Variants in TRDMT1 observed in about 807,000 individuals in gnomAD.
The protein encoded by TRDMT1 is tRNA aspartic acid methyltransferase 1, also known as tRNA (cytosine(38)-C(5))-methyltransferase.
A neutral mutation model predicts 51.2 loss-of-function variants in TRDMT1; 49 were observed. The observed-to-expected ratio is 0.96, with a 90% CI of 0.76 to 1.21. TRDMT1 has a LOEUF of 1.21. Ranked by LOEUF, TRDMT1 falls within the 50% of genes most tolerant of loss-of-function variation. TRDMT1 has a pLI of 0.00. For missense variants in TRDMT1, 534 were observed against 462.3 expected (o/e 1.16, Z -1.42); for synonymous variants, 187 against 164.6 (o/e 1.14, Z -1.04).
intron 1 of TRDMT1, among the ~76,000 whole-genome samples, chr10:17,175,282 A>G (rs893797348): frequency 6.6e-6 from 1 of 152,230 alleles, no homozygotes; most frequent in Non-Finnish European, 1.5e-5. Context: ...AGAAGAGAAT[A>G]TAAGAAGAAT....
rs1838099979 is a variant in TRDMT1, at chr10:17,146,284, G to A, written c.*2756C>T. On this transcript the variant is annotated 3_prime_UTR_variant, in exon 11 of 11. Transcript: ENST00000377799. ...GGAAGAATAAGTTGGCTGAAGGTTG[G>A]AGGTATTTTCTCATCTTTCCAGACA... 1.0e-6 allele frequency: 1 copy of A among 985,410 alleles called. No homozygotes were observed. The highest frequency in any genetic ancestry group is 1.2e-6 in the Non-Finnish European group (1 of 829,924). The allele number at this position is 985,410 out of a possible 1,614,324, so 61.0% of individuals were successfully genotyped here. A position where few individuals can be genotyped will look rare whatever the true frequency, so the allele number is the denominator to read the frequency against.
chr10:17,189,904 G>C (rs1844461677), intron 1 of TRDMT1, among the ~76,000 whole-genome samples: 1 of 152,098 alleles, frequency 6.6e-6, no homozygotes, highest in South Asian at 2.1e-4. Flanking sequence ...TTGAGTACTA[G>C]AGGGTAATTA....
intron 1 of TRDMT1, among the ~76,000 whole-genome samples, chr10:17,186,090 T>TAAATAC (rs529154623): frequency 1.0e-4 from 11 of 106,906 alleles, no homozygotes; most frequent in Non-Finnish European, 2.5e-4. Flanking sequence ...TAAATAAATA[T>TAAATAC]GGTCAATGCA....
chr10:17,154,287 GTTAAGA>G (rs1839199356), intron 9 of TRDMT1, among the ~76,000 whole-genome samples: 1 of 152,100 alleles, frequency 6.6e-6, no homozygotes, highest in Admixed American at 6.5e-5. Context: ...AAAGCACATT[GTTAAGA>G]TTATTTTTTT....
chr10:17,164,952 AT>A (rs1564289186), intron 3 of TRDMT1, among the ~76,000 whole-genome samples: 1 of 152,170 alleles, frequency 6.6e-6, no homozygotes, highest in Non-Finnish European at 1.5e-5. Context: ...GCCCAAGGTA[AT>A]TTATAGATTC....
rs1837887615 is a variant in TRDMT1 at position 17,143,926 on chromosome 10, T to C, written c.*5114A>G. ...GCAAGCATGCTAAATTTGATGCAAA[T>C]CCGATACAACTTGAATAGCAAGATA... On this transcript the variant is annotated 3_prime_UTR_variant, in exon 11 of 11. Transcript: ENST00000377799. 2.0e-5 allele frequency: 20 copies of C among 985,342 alleles called. No homozygotes were observed. The highest frequency in any genetic ancestry group is 2.2e-5 in the Non-Finnish European group (18 of 829,918). 61.0% of individuals were successfully genotyped at this position (985,342 alleles called of 1,614,324 possible).
intron 1 of TRDMT1, among the ~76,000 whole-genome samples, chr10:17,185,177 T>A (rs1843721370): frequency 6.6e-6 from 1 of 152,206 alleles, no homozygotes; most frequent in South Asian, 2.1e-4. Context: ...AATAAATGTT[T>A]GCCATTATTA....
intron 2 of TRDMT1, among the ~76,000 whole-genome samples, chr10:17,173,494 A>G (rs1842283853): frequency 6.6e-6 from 1 of 152,166 alleles, no homozygotes; most frequent in South Asian, 2.1e-4. Flanking sequence ...GGGAAAACTT[A>G]ATCCATAATG....
At chr10:17,179,754 TA>T (rs10709345) in intron 1 of TRDMT1, among the ~76,000 whole-genome samples, 88,243 of 127,084 alleles carry the variant, frequency 0.69, 29,601 homozygotes, top group Non-Finnish European at 0.79. Flanking sequence ...TCTCTACTAA[TA>T]AAAAAAAAAA....
At chr10:17,158,524 C>T (rs1405408063) in intron 7 of TRDMT1, among the ~76,000 whole-genome samples, 1 of 152,068 alleles carries the variant, frequency 6.6e-6, no homozygotes, top group Non-Finnish European at 1.5e-5. Context: ...GTAGACATGA[C>T]TTTTGTGTCC....
intron 2 of TRDMT1, among the ~76,000 whole-genome samples, chr10:17,172,569 A>T (rs1479117451): frequency 6.6e-6 from 1 of 152,162 alleles, no homozygotes; most frequent in Non-Finnish European, 1.5e-5. Context: ...ACTCAAAAGC[A>T]CCAAGGTAAT....
intron 1 of TRDMT1, among the ~76,000 whole-genome samples, chr10:17,194,207 G>A (rs1266485326): frequency 2.0e-5 from 3 of 152,180 alleles, no homozygotes; most frequent in African/African-American, 4.8e-5. Flanking sequence ...AAGAATTCTA[G>A]AAGAAAACCT....
rs1159200505 is a variant in TRDMT1 at position 17,149,043 on chromosome 10, T to C, written c.1173A>G (p.Glu391=). ...ATCTTTCAGAGTTATTTCAAAATTA[T>C]TCATATAAGATTTTGATTAGTTTAG... The part of the protein sequence containing the change: ...VVAKLIKILY[E] The change falls in exon 11 of 11, where the codon GAA becomes GAG. Residue 391 remains glutamate, a synonymous_variant. Transcript: ENST00000377799. The C allele has an allele frequency of 1.9e-6, 3 of 1,600,452 alleles. No homozygotes were observed. Among genetic ancestry groups the C allele is most frequent in the Non-Finnish European group, 2.6e-6 (3 of 1,174,184 alleles).
chr10:17,143,056 T>C lies in TRDMT1; in HGVS notation c.*5984A>G. 2.0e-6 allele frequency: 2 copies of C among 985,434 alleles called. No individual in the cohort carries two copies. The highest frequency in any genetic ancestry group is 2.4e-6 in the Non-Finnish European group (2 of 829,924). 61.0% of individuals were successfully genotyped at this position (985,434 alleles called of 1,614,324 possible). A position where few individuals can be genotyped will look rare whatever the true frequency, so the allele number is the denominator to read the frequency against. On this transcript the variant is annotated 3_prime_UTR_variant, in exon 11 of 11. Coordinates refer to ENST00000377799, the MANE Select transcript of TRDMT1 (RefSeq NM_004412.7). ...GCCTATCCCAGAATTATTTTTTAAA[T>C]CATGTGTTCCAGACTTGAGTAACTT...
intron 2 of TRDMT1, among the ~76,000 whole-genome samples, chr10:17,173,041 G>A (rs1320528896): frequency 3.3e-5 from 5 of 152,058 alleles, no homozygotes; most frequent in Non-Finnish European, 7.4e-5. Flanking sequence ...TAAATATTAT[G>A]ACTAATTGTC....
At chr10:17,163,372 G>C (rs1205672778) in intron 3 of TRDMT1, among the ~76,000 whole-genome samples, 1 of 152,108 alleles carries the variant, frequency 6.6e-6, no homozygotes, top group African/African-American at 2.4e-5. Context: ...TCAAAAGCAT[G>C]TGTATAGAGG....
intron 10 of TRDMT1, chr10:17,150,174 T>A (rs1171013501): frequency 4.3e-5 from 7 of 161,592 alleles, no homozygotes; most frequent in Admixed American, 3.9e-4. Flanking sequence ...ATTTTAGCCA[T>A]CCTAATGAGT....
chr10:17,154,881 G>A lies in TRDMT1; in HGVS notation c.888-147C>T. 4.5e-6 allele frequency: 3 copies of A among 665,706 alleles called. No individual in the cohort carries two copies. The South Asian group carries it at 8.4e-5, about 19-fold the overall frequency. 41.2% of individuals were successfully genotyped at this position (665,706 alleles called of 1,614,324 possible). A position where few individuals can be genotyped will look rare whatever the true frequency, so the allele number is the denominator to read the frequency against. On this transcript the variant is annotated intron_variant, in intron 8 of 10. Coordinates refer to ENST00000377799, the MANE Select transcript of TRDMT1 (RefSeq NM_004412.7). ...AATGTCACATAAATATCCTTTGTAG[G>A]TAAAAAATTACTAGGTAAAAGACAT...
At chr10:17,190,013 A>C (rs1844475789) in intron 1 of TRDMT1, among the ~76,000 whole-genome samples, 1 of 152,172 alleles carries the variant, frequency 6.6e-6, no homozygotes, top group South Asian at 2.1e-4. Context: ...ACTTTACACA[A>C]AGGGGTTTGG....
Sources: gnomAD v4.1 joint callset for allele counts (sites outside exome capture counted in the v4.1 genomes callset) on GRCh38, gnomAD v4.1.1 for gene constraint, MANE v1.5 for transcripts, NCBI Gene and HGNC (gene_info 2026-07-23, HGNC 2026-07-21) for gene names.